Variants in SAMD12 observed in about 807,000 individuals in gnomAD.
SAMD12 encodes the protein sterile alpha motif domain-containing protein 12.
SAMD12 carries 9 observed loss-of-function variants against 15.0 expected under a neutral mutation model. The observed-to-expected ratio is 0.60, with a 90% CI of 0.36 to 1.05. The LOEUF is 1.05. Ranked by LOEUF, SAMD12 falls within the 50% of genes least tolerant of loss-of-function variation. SAMD12 has a pLI of 0.01. For missense variants in SAMD12, 230 were observed against 234.2 expected, an observed-to-expected ratio of 0.98 and a Z score of 0.12; for synonymous variants, 86 against 90.1, an observed-to-expected ratio of 0.96 and a Z score of 0.25.
chr8:118,441,737 A>T (rs1253285174), intron 2 of SAMD12, among the ~76,000 whole-genome samples: 1 of 152,154 alleles, frequency 6.6e-6, no homozygotes, highest in Non-Finnish European at 1.5e-5. Flanking sequence ...ACTCCATTTC[A>T]GCAGGGTTAT....
chr8:118,490,418 A>G (rs1300091065), intron 2 of SAMD12, among the ~76,000 whole-genome samples: 1 of 152,160 alleles, frequency 6.6e-6, no homozygotes, highest in Non-Finnish European at 1.5e-5. Context: ...CTTCATCCCT[A>G]AGGACAAAGA....
intron 4 of SAMD12, among the ~76,000 whole-genome samples, chr8:118,330,831 G>A (rs575377047): frequency 6.6e-6 from 1 of 152,170 alleles, no homozygotes; most frequent in Non-Finnish European, 1.5e-5. Flanking sequence ...GAAATATGAA[G>A]GGGAGGGTTG....
intron 3 of SAMD12, among the ~76,000 whole-genome samples, chr8:118,433,944 T>C (rs560079145): frequency 6.6e-6 from 1 of 152,338 alleles, no homozygotes; most frequent in African/African-American, 2.4e-5. Context: ...TCTACTCCTT[T>C]TGACACTTGT....
chr8:118,230,295 G>T (rs1156510794), intron 4 of SAMD12, among the ~76,000 whole-genome samples: 1 of 152,156 alleles, frequency 6.6e-6, no homozygotes, highest in Non-Finnish European at 1.5e-5. Flanking sequence ...GCTTGCCCAA[G>T]GTGTAGAGCT....
rs2451138 is a variant in SAMD12, at chr8:118,226,234, C to G, written c.434-28502G>C. Among the ~76,000 whole-genome samples the G allele has an allele frequency of 5.7e-4, 86 of 152,106 alleles. No individual in the cohort carries two copies. The Middle Eastern group carries it at 0.014, about 24-fold the overall frequency. ...TAAGTTGCTAGCAAGAAATCATACA[C>G]TCAATAACTCAGGATTAAAATTCTC... On this transcript the variant is annotated intron_variant, in intron 4 of 4. Coordinates refer to the SAMD12 transcript ENST00000409003.
intron 4 of SAMD12, among the ~76,000 whole-genome samples, chr8:118,331,989 C>G (rs1019965683): frequency 2.0e-5 from 3 of 152,094 alleles, no homozygotes; most frequent in African/African-American, 7.2e-5. Context: ...TAGTAACTAT[C>G]AGAGGAACTT....
At chr8:118,138,998 C>T in the SAMD12 span, among the ~76,000 whole-genome samples, 5 of 152,146 alleles carry the variant, frequency 3.3e-5, no homozygotes, top group South Asian at 2.1e-4. Flanking sequence ...TAAATTGTAT[C>T]GAACTTAACA....
intron 4 of SAMD12, among the ~76,000 whole-genome samples, chr8:118,220,890 CT>C (rs1812069704): frequency 6.6e-6 from 1 of 152,046 alleles, no homozygotes; most frequent in South Asian, 2.1e-4. Flanking sequence ...AAAACCTGTC[CT>C]TGTGCCAACT....
the SAMD12 span, among the ~76,000 whole-genome samples, chr8:118,179,665 A>G: frequency 6.6e-6 from 1 of 152,150 alleles, no homozygotes; most frequent in Admixed American, 6.5e-5. Context: ...TACTAGAGTC[A>G]GGCCCAGGTG....
intron 1 of SAMD12, among the ~76,000 whole-genome samples, chr8:118,590,281 T>C (rs1016314309): frequency 2.6e-5 from 4 of 152,220 alleles, no homozygotes; most frequent in African/African-American, 9.6e-5. Flanking sequence ...TTGTAAAGCC[T>C]AGACTCACAC....
intron 4 of SAMD12, among the ~76,000 whole-genome samples, chr8:118,318,332 A>G (rs200121217): frequency 0.24 from 32,523 of 136,192 alleles, 4,795 homozygotes; most frequent in African/African-American, 0.3. Context: ...ATATATATAT[A>G]TATATATATA....
At chr8:118,284,380 G>A (rs980081475) in intron 4 of SAMD12, 1 of 454,478 alleles carries the variant, frequency 2.2e-6, no homozygotes, top group African/African-American at 2.1e-5. Context: ...AATTGGACAA[G>A]AATCAGAATA....
intron 4 of SAMD12, among the ~76,000 whole-genome samples, chr8:118,250,796 C>G (rs546545525): frequency 6.6e-6 from 1 of 152,090 alleles, no homozygotes; most frequent in African/African-American, 2.4e-5. Flanking sequence ...TAAGCCACTG[C>G]ATCTCACCAA....
chr8:118,607,965 T>C (rs990717939), intron 1 of SAMD12, among the ~76,000 whole-genome samples: 5 of 152,164 alleles, frequency 3.3e-5, no homozygotes, highest in Non-Finnish European at 5.9e-5. Context: ...TTTTCTACCT[T>C]TTATAAAAGC....
chr8:118,412,603 T>G (rs2130817609), intron 3 of SAMD12, among the ~76,000 whole-genome samples: 1 of 152,212 alleles, frequency 6.6e-6, no homozygotes, highest in South Asian at 2.1e-4. Flanking sequence ...CTGCATACAT[T>G]CCCAGACTAG....
chr8:118,425,306 A>G (rs1394782740), intron 3 of SAMD12, among the ~76,000 whole-genome samples: 1 of 152,190 alleles, frequency 6.6e-6, no homozygotes, highest in Non-Finnish European at 1.5e-5. Flanking sequence ...CAATTTTGCA[A>G]TCTGACTCCA....
intron 2 of SAMD12, among the ~76,000 whole-genome samples, chr8:118,457,207 ACT>A (rs199926147): frequency 1.5e-4 from 22 of 143,196 alleles, no homozygotes; most frequent in African/African-American, 5.3e-4. Flanking sequence ...ACTGCTACTA[ACT>A]CTCTCTCTCT....
intron 4 of SAMD12, among the ~76,000 whole-genome samples, chr8:118,206,271 T>C (rs532841376): frequency 1.3e-5 from 2 of 152,212 alleles, no homozygotes; most frequent in South Asian, 4.1e-4. Flanking sequence ...CCTACATCTT[T>C]CCCCCAGTAC....
At chr8:118,393,011 G>T (rs1820365922) in intron 3 of SAMD12, among the ~76,000 whole-genome samples, 1 of 152,090 alleles carries the variant, frequency 6.6e-6, no homozygotes, top group South Asian at 2.1e-4. Context: ...GGGGTTTATA[G>T]GACTCAGGTT....
Sources: gnomAD v4.1 joint callset for allele counts (sites outside exome capture counted in the v4.1 genomes callset) on GRCh38, gnomAD v4.1.1 for gene constraint, MANE v1.5 for transcripts, NCBI Gene and HGNC (gene_info 2026-07-23, HGNC 2026-07-21) for gene names.